Variants in XKR3 observed in about 807,000 individuals in gnomAD.
The protein encoded by XKR3 is XK related 3.
In XKR3, 27 loss-of-function variants were observed where a neutral mutation model predicts 40.3. The ratio of observed to expected loss-of-function variants is 0.67; its 90% CI spans 0.49 to 0.92. XKR3 has a LOEUF of 0.92. Among genes scored for constraint, XKR3 ranks in the 40% least tolerant of loss-of-function variants. The pLI is 0.00. For synonymous variants in XKR3, 193 were observed against 195.4 expected, an observed-to-expected ratio of 0.99 and a Z score of 0.10; for missense variants, 472 against 537.6, an observed-to-expected ratio of 0.88 and a Z score of 1.21.
At chr22:16,822,252 C>T (rs559036574) in intron 1 of XKR3, among the ~76,000 whole-genome samples, 22 of 152,096 alleles carry the variant, frequency 1.4e-4, no homozygotes, top group African/African-American at 5.3e-4. Context: ...AGTGTTTTAA[C>T]ATTGTCCATA....
At chr22:16,789,062 C>G (rs2060103243) in intron 3 of XKR3, among the ~76,000 whole-genome samples, 1 of 152,108 alleles carries the variant, frequency 6.6e-6, no homozygotes, top group South Asian at 2.1e-4. Context: ...GCTAACATCA[C>G]ACTCAGTGGG....
chr22:16,824,509 T>C (rs1164588547), intron 1 of XKR3, among the ~76,000 whole-genome samples: 2 of 149,306 alleles, frequency 1.3e-5, no homozygotes, highest in African/African-American at 5.0e-5. Flanking sequence ...AGAGCACAAA[T>C]GGAAAGAAAA....
At chr22:16,785,558 CA>C (rs2060086765) in intron 3 of XKR3, among the ~76,000 whole-genome samples, 1 of 151,784 alleles carries the variant, frequency 6.6e-6, no homozygotes, top group Non-Finnish European at 1.5e-5. Context: ...CATATACATG[CA>C]GGTTAAAAAA....
chr22:16,800,789 C>G (rs1472147362), intron 2 of XKR3, among the ~76,000 whole-genome samples: 12 of 152,080 alleles, frequency 7.9e-5, no homozygotes, highest in Non-Finnish European at 1.3e-4. Flanking sequence ...CACAAGATGA[C>G]CCCAACGTAT....
chr22:16,789,385 A>T (rs1309050182), intron 3 of XKR3, among the ~76,000 whole-genome samples: 1 of 152,156 alleles, frequency 6.6e-6, no homozygotes. Flanking sequence ...TACAAAAAAA[A>T]CCTCAAGAAA....
At chr22:16,804,611 T>C (rs2060182296) in intron 2 of XKR3, among the ~76,000 whole-genome samples, 1 of 152,190 alleles carries the variant, frequency 6.6e-6, no homozygotes, top group Non-Finnish European at 1.5e-5. Context: ...GGGCAGACAT[T>C]ATAAGACTTC....
At chr22:16,801,535 C>A (rs5994020) in intron 2 of XKR3, among the ~76,000 whole-genome samples, 9,122 of 151,876 alleles carry the variant, frequency 0.06, 811 homozygotes, top group African/African-American at 0.2. Context: ...CGGCAAGATG[C>A]CATTTCAAAA....
chr22:16,785,088 C>T (rs1229065673), intron 3 of XKR3, among the ~76,000 whole-genome samples: 2 of 151,978 alleles, frequency 1.3e-5, no homozygotes, highest in Admixed American at 1.3e-4. Context: ...GAGGCCGAGG[C>T]GGGCGGATCA....
intron 1 of XKR3, among the ~76,000 whole-genome samples, chr22:16,824,268 A>G (rs1303610385): frequency 6.6e-6 from 1 of 152,208 alleles, no homozygotes; most frequent in East Asian, 1.9e-4. Flanking sequence ...AAATACGGGA[A>G]TCATGTGCAG....
At chr22:16,791,795 GAGAGAGAGAGAGAGAGAA>G (rs2060119090) in intron 3 of XKR3, among the ~76,000 whole-genome samples, 2 of 108,666 alleles carry the variant, frequency 1.8e-5, no homozygotes, top group South Asian at 3.4e-4. Context: ...GAGAGAGAGA[GAGAGAGAGAGAGAGAGAA>G]AGAGAGAGAG....
chr22:16,822,007 T>C (rs1293950141), intron 1 of XKR3, among the ~76,000 whole-genome samples: 2 of 152,138 alleles, frequency 1.3e-5, no homozygotes, highest in Non-Finnish European at 2.9e-5. Context: ...ATTCTTACTG[T>C]ATCTACAAAT....
chr22:16,798,626 G>A lies in XKR3; in HGVS notation c.589+1145C>T, dbSNP rs192646063. 1.6e-4 allele frequency among the ~76,000 whole-genome samples: 25 copies of A among 152,260 alleles called. No homozygotes were observed. The South Asian group carries it at 2.3e-3, about 14-fold the overall frequency. ...GGAAAATAACTGATTAATTTCTTTC[G>A]TATGGTTGCATAGTATTCCATGTAT... is the stretch of plus-strand genomic sequence containing the variant. On this transcript the variant is annotated intron_variant, in intron 3 of 3. Transcript: ENST00000684488.
At chr22:16,821,015 A>G (rs2060253578) in intron 1 of XKR3, among the ~76,000 whole-genome samples, 1 of 152,144 alleles carries the variant, frequency 6.6e-6, no homozygotes, top group Non-Finnish European at 1.5e-5. Flanking sequence ...GACAAACAAG[A>G]TATATGACTG....
intron 3 of XKR3, 57 bp downstream of exon 3, chr22:16,799,714 T>C: frequency 1.3e-6 from 2 of 1,581,808 alleles, no homozygotes; most frequent in Non-Finnish European, 1.7e-6. Flanking sequence ...ATTTCTATTA[T>C]ATTAGTACAC....
At position 16,783,858 on chromosome 22, in the gene XKR3, G is replaced by T; in HGVS notation, c.1141C>A (p.Gln381Lys). The change falls in exon 4 of 4, where the codon CAG becomes AAG. Residue 381 changes from glutamine (Q) to lysine (K), a missense_variant. Gln to Lys is a moderately conservative substitution (Grantham distance 53). Transcript: ENST00000684488. ...GCCAATAGGTAGCTTATGATGAGCT[G>T]CACGGCAATTAATGAGTCACAACAA... Reference protein sequence around the residue: ...LNCCDSLIAVQLIISYLLATG... With the variant: ...LNCCDSLIAVKLIISYLLATG... 1 of 1,614,126 alleles carries T rather than the reference G, an allele frequency of 6.2e-7. No homozygotes were observed. The highest frequency in any genetic ancestry group is 1.1e-5 in the South Asian group (1 of 91,080).
chr22:16,798,889 T>C (rs2060154081), intron 3 of XKR3, among the ~76,000 whole-genome samples: 1 of 152,110 alleles, frequency 6.6e-6, no homozygotes, highest in Non-Finnish European at 1.5e-5. Context: ...TAAGAAAAAC[T>C]CCCTACTGTG....
At chr22:16,814,141 T>C (rs1256543614) in intron 1 of XKR3, among the ~76,000 whole-genome samples, 1 of 152,210 alleles carries the variant, frequency 6.6e-6, no homozygotes, top group Non-Finnish European at 1.5e-5. Context: ...CGTCTACCTT[T>C]TTCTAGAGTT....
intron 1 of XKR3, among the ~76,000 whole-genome samples, chr22:16,824,538 G>A (rs1569046296): frequency 6.6e-6 from 1 of 152,060 alleles, no homozygotes; most frequent in East Asian, 1.9e-4. Flanking sequence ...AAGGAGGAGG[G>A]AGAGTAGAGA....
chr22:16,796,139 C>A (rs1299139160), intron 3 of XKR3, among the ~76,000 whole-genome samples: 1 of 151,952 alleles, frequency 6.6e-6, no homozygotes, highest in East Asian at 1.9e-4. Context: ...CACAATCTCC[C>A]AAGACTAAAT....
Sources: allele counts gnomAD v4.1 joint callset (sites outside exome capture counted in the v4.1 genomes callset), GRCh38; gene constraint gnomAD v4.1.1; transcripts MANE v1.5; gene names NCBI Gene and HGNC (gene_info 2026-07-23, HGNC 2026-07-21).